The following REPS2 variants were observed in gnomAD, a reference collection of about 807,000 sequenced individuals.
REPS2 encodes the protein RALBP1 associated Eps domain containing 2.
REPS2 carries 23 observed loss-of-function variants against 53.6 expected under a neutral mutation model. The ratio of observed to expected loss-of-function variants is 0.43; its 90% CI spans 0.31 to 0.61. The LOEUF is 0.61. Among genes scored for constraint, REPS2 ranks in the 20% least tolerant of loss-of-function variants. The pLI is 0.11. For missense variants in REPS2, 446 were observed against 534.9 expected, an observed-to-expected ratio of 0.83 and a Z score of 1.64; for synonymous variants, 238 against 218.6, an observed-to-expected ratio of 1.09 and a Z score of -0.78.
intron 7 of REPS2, among the ~76,000 whole-genome samples, chrX:17,054,445 A>G (rs1020225286): frequency 1.2e-4 from 14 of 112,150 alleles, no homozygotes; most frequent in African/African-American, 4.5e-4. Context: ...TTTGAACACC[A>G]TGTCCAGGGC....
intron 1 of REPS2, among the ~76,000 whole-genome samples, chrX:16,984,821 T>C (rs1352510923): frequency 9.0e-6 from 1 of 110,715 alleles, no homozygotes; most frequent in East Asian, 2.8e-4. Context: ...TTTTTTTTCC[T>C]GGAAAATCTC....
chrX:17,137,403 A>G (rs2063386170), intron 16 of REPS2: 3 of 110,829 alleles, frequency 2.7e-5, no homozygotes, highest in South Asian at 3.8e-4. Flanking sequence ...TCATGTGCCT[A>G]TTGGCCATTT....
chrX:17,017,699 TAATAAAATAC>T (rs1302981927), intron 2 of REPS2, among the ~76,000 whole-genome samples: 1 of 112,044 alleles, frequency 8.9e-6, no homozygotes, highest in Non-Finnish European at 1.9e-5. Flanking sequence ...ATTGTAATAA[TAATAAAATAC>T]AGTAAAATAC....
intron 1 of REPS2, among the ~76,000 whole-genome samples, chrX:17,000,408 G>T (rs1356423464): frequency 8.9e-6 from 1 of 111,890 alleles, no homozygotes; most frequent in African/African-American, 3.3e-5. Context: ...TGGGACTACA[G>T]GCACGGGCCT....
Position 17,153,166 on chromosome X carries a change from A to G in REPS2, c.*5685A>G, listed in dbSNP as rs976936022. 6 of 112,339 alleles carry G rather than the reference A, an allele frequency of 5.3e-5. No homozygotes were observed. The highest frequency in any genetic ancestry group is 1.1e-4 in the Non-Finnish European group (6 of 53,200). 9.3% of individuals were successfully genotyped at this position (112,339 alleles called of 1,213,427 possible). On this transcript the variant is annotated 3_prime_UTR_variant, in exon 18 of 18. Coordinates refer to ENST00000357277, the MANE Select transcript of REPS2 (RefSeq NM_004726.3). ...GCTAACCTTACTGCCTCTTTTTCAC[A>G]CTTGTTGAAAAGTCTGTGAAGAACA...
chrX:16,987,381 T>G (rs187432312), intron 1 of REPS2, among the ~76,000 whole-genome samples: 5 of 111,976 alleles, frequency 4.5e-5, no homozygotes, highest in Non-Finnish European at 7.5e-5. Flanking sequence ...CTAAACTTCC[T>G]AAGAGGATGT....
chrX:17,110,358 G>A (rs1428282551), intron 14 of REPS2, among the ~76,000 whole-genome samples: 2 of 82,924 alleles, frequency 2.4e-5, no homozygotes, highest in African/African-American at 9.5e-5. Context: ...TTACCTAGTT[G>A]ACCATCTCAA....
intron 5 of REPS2, among the ~76,000 whole-genome samples, chrX:17,036,746 T>C (rs890316682): frequency 5.4e-5 from 6 of 111,802 alleles, no homozygotes; most frequent in Non-Finnish European, 1.1e-4. Flanking sequence ...TGTGCGTTGA[T>C]CTCTCAGCAT....
intron 1 of REPS2, among the ~76,000 whole-genome samples, chrX:16,949,791 C>G (rs1307165151): frequency 9.0e-6 from 1 of 111,114 alleles, no homozygotes; most frequent in Non-Finnish European, 1.9e-5. Context: ...CCCATATATC[C>G]CCTGCCCCGA....
At chrX:16,948,548 A>G (rs2060469088) in intron 1 of REPS2, among the ~76,000 whole-genome samples, 1 of 112,500 alleles carries the variant, frequency 8.9e-6, no homozygotes, top group Non-Finnish European at 1.9e-5. Flanking sequence ...TGAAAGAGGA[A>G]TAATTGACTG....
the REPS2 span, among the ~76,000 whole-genome samples, chrX:17,188,654 A>G: frequency 1.6e-4 from 18 of 112,507 alleles, no homozygotes; most frequent in Admixed American, 7.5e-4. Flanking sequence ...TTCCTGTTAT[A>G]AAGTACTGAA....
rs767106429 is a variant in REPS2, at chrX:17,135,222, G to GT, written c.1663-36dup. The GT allele has an allele frequency of 4.9e-5, 58 of 1,181,584 alleles. No individual in the cohort carries two copies. The African/African-American group carries it at 1.0e-3, about 21-fold the overall frequency. On this transcript the variant is annotated intron_variant, in intron 15 of 17. Transcript: ENST00000357277. The stretch of plus-strand genomic sequence containing the variant: ...GGAAGAGTGGAGGGAACATTGAAAT[G>GT]TTTAACTTTTTAATTTTTATTTTGT...
intron 1 of REPS2, among the ~76,000 whole-genome samples, chrX:16,989,865 A>G (rs898384373): frequency 8.9e-5 from 10 of 112,331 alleles, no homozygotes; most frequent in African/African-American, 3.2e-4. Context: ...CCTCTGAAAA[A>G]CAGTTTGGCA....
At chrX:17,191,001 T>C in the REPS2 span, among the ~76,000 whole-genome samples, 4 of 111,934 alleles carry the variant, frequency 3.6e-5, no homozygotes, top group Non-Finnish European at 7.5e-5. Context: ...TAAAAACCAG[T>C]AAGCTACAAA....
At chrX:17,171,134 T>C in the REPS2 span, among the ~76,000 whole-genome samples, 1 of 112,767 alleles carries the variant, frequency 8.9e-6, no homozygotes, top group Admixed American at 9.3e-5. Flanking sequence ...TGGCCTGGCC[T>C]GCCCCAGCCA....
intron 2 of REPS2, among the ~76,000 whole-genome samples, 191 bp downstream of exon 2, chrX:17,006,535 G>T (rs1449491740): frequency 8.9e-6 from 1 of 111,820 alleles, no homozygotes; most frequent in African/African-American, 3.3e-5. Flanking sequence ...AATTCTGAGA[G>T]TAACCTGAGA....
At chrX:17,114,656 C>T (rs921864307) in intron 14 of REPS2, among the ~76,000 whole-genome samples, 1 of 112,366 alleles carries the variant, frequency 8.9e-6, no homozygotes, top group Non-Finnish European at 1.9e-5. Flanking sequence ...CTTTTAGAGA[C>T]CAGCTCTCAG....
At chrX:16,961,585 A>G (rs185864698) in intron 1 of REPS2, among the ~76,000 whole-genome samples, 2 of 112,193 alleles carry the variant, frequency 1.8e-5, no homozygotes, top group African/African-American at 6.5e-5. Context: ...GGCCTTGGCA[A>G]TGATTTTTTA....
intron 1 of REPS2, chrX:16,978,486 C>A: frequency 1.7e-6 from 1 of 605,886 alleles, no homozygotes; most frequent in Non-Finnish European, 2.0e-6. Flanking sequence ...TCCTTCTGTG[C>A]CCTTGTGTTT....
Sources: allele counts gnomAD v4.1 joint callset (sites outside exome capture counted in the v4.1 genomes callset), GRCh38; gene constraint gnomAD v4.1.1; transcripts MANE v1.5; gene names NCBI Gene and HGNC (gene_info 2026-07-23, HGNC 2026-07-21).